Variants in GLRA1 observed in about 807,000 individuals in gnomAD.
GLRA1 encodes the protein glycine receptor subunit alpha-1.
GLRA1 carries 37 observed loss-of-function variants against 48.3 expected under a neutral mutation model. That is an observed-to-expected ratio of 0.77 (90% CI 0.59 to 1.01). The LOEUF (loss-of-function observed/expected upper bound fraction) is 1.01. GLRA1 is among the 50% of genes least tolerant of loss of function. The pLI is 0.00. For synonymous variants in GLRA1, 196 were observed against 210.7 expected, an observed-to-expected ratio of 0.93 and a Z score of 0.60; for missense variants, 427 against 571.0, an observed-to-expected ratio of 0.75 and a Z score of 2.57.
intron 3 of GLRA1, among the ~76,000 whole-genome samples, chr5:151,874,430 A>C (rs1233038539): frequency 6.6e-6 from 1 of 152,154 alleles, no homozygotes; most frequent in African/African-American, 2.4e-5. Context: ...GAGGTGTGCA[A>C]GCAAAAAGTA....
intron 1 of GLRA1, among the ~76,000 whole-genome samples, chr5:151,901,990 G>A (rs184065307): frequency 1.3e-3 from 198 of 152,282 alleles, no homozygotes; most frequent in African/African-American, 4.5e-3. Flanking sequence ...CCAAGTGATA[G>A]TGATTTGCAG....
At chr5:151,861,900 T>C (rs1753218463) in intron 3 of GLRA1, among the ~76,000 whole-genome samples, 1 of 152,204 alleles carries the variant, frequency 6.6e-6, no homozygotes, top group Non-Finnish European at 1.5e-5. Context: ...AAGCTACCAA[T>C]GACTTTCTTC....
In GLRA1 at chr5:151,822,737, A is replaced by G. The variant is rs2113276406; in HGVS notation, c.1286T>C (p.Ile429Thr). The part of the protein sequence containing the change: ...SRIGFPMAFL[I>T]FNMFYWIIYK... ...GATGATCCAGTAGAACATGTTGAAA[A>G]TGAGGAAGGCCATGGGGAAGCCAAT... Residue 429 changes from isoleucine (I) to threonine (T), a missense_variant, in exon 9 of 9, where the codon ATT becomes ACT. Ile to Thr is a moderately conservative substitution (Grantham distance 89). This residue lies in a region of GLRA1 where 121 missense variants were observed against 96.5 expected (regional missense o/e 1.25). Coordinates refer to ENST00000274576, the MANE Select transcript of GLRA1 (RefSeq NM_000171.4). The G allele has an allele frequency of 6.2e-7, 1 of 1,613,976 alleles. No homozygotes were observed. Among genetic ancestry groups the G allele is most frequent in the Non-Finnish European group, 8.5e-7 (1 of 1,179,898 alleles).
At chr5:151,853,863 A>G (rs1294716330) in intron 6 of GLRA1, among the ~76,000 whole-genome samples, 1 of 152,142 alleles carries the variant, frequency 6.6e-6, no homozygotes. Context: ...GGTCTTTAAG[A>G]GGGTAGATCT....
chr5:151,911,923 T>C (rs1754622482), intron 1 of GLRA1, among the ~76,000 whole-genome samples: 1 of 152,160 alleles, frequency 6.6e-6, no homozygotes. Flanking sequence ...CTAGAGTTTT[T>C]AACTGCTGGG....
chr5:151,848,412 G>A (rs980844478), intron 7 of GLRA1, among the ~76,000 whole-genome samples: 1 of 152,112 alleles, frequency 6.6e-6, no homozygotes, highest in Admixed American at 6.5e-5. Context: ...TGTTGCCCAG[G>A]CTGGAGTGCA....
chr5:151,849,936 A>T, intron 7 of GLRA1: 1 of 1,559,016 alleles, frequency 6.4e-7, no homozygotes, highest in Admixed American at 1.8e-5. Flanking sequence ...ATGTTTTGGG[A>T]TACCTTCAGT....
intron 3 of GLRA1, among the ~76,000 whole-genome samples, chr5:151,860,792 A>G (rs531861081): frequency 6.6e-6 from 1 of 152,260 alleles, no homozygotes; most frequent in East Asian, 1.9e-4. Flanking sequence ...TTTGTTACAT[A>G]TGTATACATG....
chr5:151,851,530 G>T lies in GLRA1; in HGVS notation c.772C>A (p.Pro258Thr), dbSNP rs1467252662. The T allele has an allele frequency of 1.2e-6, 2 of 1,613,944 alleles. No homozygotes were observed. Among genetic ancestry groups the T allele is most frequent in the African/African-American group, 1.3e-5 (1 of 75,020 alleles). Reference sequence around the variant, plus strand: ...GAGAGGATGACAATGAGCAGGCTGGGAATATACATCTGAATCAGGTAGTAA... The same window carrying T: ...GAGAGGATGACAATGAGCAGGCTGGTAATATACATCTGAATCAGGTAGTAA... Reference protein sequence around the residue: ...MGYYLIQMYIPSLLIVILSWI... With the variant: ...MGYYLIQMYITSLLIVILSWI... The change falls in exon 7 of 9, where the codon CCC becomes ACC. Residue 258 changes from proline to threonine, a missense_variant. Coordinates refer to ENST00000274576, the MANE Select transcript of GLRA1 (RefSeq NM_000171.4).
At chr5:151,848,130 G>C (rs1752728383) in intron 7 of GLRA1, among the ~76,000 whole-genome samples, 1 of 152,208 alleles carries the variant, frequency 6.6e-6, no homozygotes, top group Non-Finnish European at 1.5e-5. Flanking sequence ...TTGCAAGGTT[G>C]CCTCTTGGAT....
chr5:151,863,676 C>T (rs1753260383), intron 3 of GLRA1, among the ~76,000 whole-genome samples: 1 of 152,058 alleles, frequency 6.6e-6, no homozygotes, highest in Non-Finnish European at 1.5e-5. Context: ...ACCTGCTATT[C>T]CCGAGGGTGC....
chr5:151,862,080 G>A (rs1050069927), intron 3 of GLRA1, among the ~76,000 whole-genome samples: 157 of 152,248 alleles, frequency 1.0e-3, no homozygotes, highest in African/African-American at 3.5e-3. Context: ...TACCAAAACA[G>A]AGATATAGAC....
chr5:151,875,741 A>G (rs1041625597), intron 3 of GLRA1: 2 of 152,306 alleles, frequency 1.3e-5, no homozygotes, highest in Admixed American at 6.5e-5. Context: ...ACCGTTCTGC[A>G]GAAGACCAGG....
chr5:151,829,700 ATCAG>A (rs1220996834), intron 7 of GLRA1, among the ~76,000 whole-genome samples: 1 of 152,238 alleles, frequency 6.6e-6, no homozygotes, highest in African/African-American at 2.4e-5. Context: ...AATCATCATC[ATCAG>A]TCAATTTTAG....
rs769278491 is a variant in GLRA1 at position 151,822,761 on chromosome 5, A to G, written c.1262T>C (p.Ile421Thr). The change falls in exon 9 of 9, where the codon ATT becomes ACT. Residue 421 changes from isoleucine to threonine, a missense_variant. Physicochemically the swap from Ile to Thr is moderately conservative, Grantham distance 89 (BLOSUM62 -1). Transcript: ENST00000274576. Reference sequence around the variant, plus strand: ...AATGAGGAAGGCCATGGGGAAGCCAATGCGGGATATTTTGTCGATCTTCTT... The same window carrying G: ...AATGAGGAAGGCCATGGGGAAGCCAGTGCGGGATATTTTGTCGATCTTCTT... ...RAKKIDKISR[I>T]GFPMAFLIFN... is the part of the protein sequence containing the mutation. The G allele has an allele frequency of 5.0e-6, 8 of 1,613,842 alleles. No individual in the cohort carries two copies. The highest frequency in any genetic ancestry group is 4.5e-5 in the East Asian group (2 of 44,872).
chr5:151,835,314 A>G (rs1190888903), intron 7 of GLRA1, among the ~76,000 whole-genome samples: 1 of 152,188 alleles, frequency 6.6e-6, no homozygotes, highest in Non-Finnish European at 1.5e-5. Flanking sequence ...CCAGGACCAG[A>G]AGGATTCACA....
chr5:151,888,514 A>C (rs1034956620), intron 2 of GLRA1, among the ~76,000 whole-genome samples: 5 of 152,158 alleles, frequency 3.3e-5, no homozygotes, highest in Non-Finnish European at 7.3e-5. Flanking sequence ...ATCCATTTAC[A>C]TTTCAGGGTT....
At chr5:151,919,813 T>C (rs993981806) in intron 1 of GLRA1, among the ~76,000 whole-genome samples, 4 of 152,214 alleles carry the variant, frequency 2.6e-5, no homozygotes, top group African/African-American at 9.6e-5. Context: ...GCCTCTTTGT[T>C]TAATGCGAAC....
intron 4 of GLRA1, among the ~76,000 whole-genome samples, chr5:151,858,339 A>G (rs1437641162): frequency 6.6e-6 from 1 of 152,176 alleles, no homozygotes; most frequent in African/African-American, 2.4e-5. Context: ...AAAAGCTCCA[A>G]AGTGGGGCAG....
Sources: gnomAD v4.1 joint callset for allele counts (sites outside exome capture counted in the v4.1 genomes callset) on GRCh38, gnomAD v4.1.1 for gene constraint, gnomAD v4.1.1 regional missense constraint, MANE v1.5 for transcripts, NCBI Gene and HGNC (gene_info 2026-07-23, HGNC 2026-07-21) for gene names.